CDH19: variants seen among roughly 807,000 people sequenced by gnomAD.
CDH19 encodes cadherin-19.
Under a neutral mutation model 64.2 loss-of-function variants are expected in CDH19, and 67 were observed. The ratio of observed to expected loss-of-function variants is 1.04; its 90% CI spans 0.86 to 1.28. The LOEUF is 1.28. Among genes scored for constraint, CDH19 ranks in the 50% most tolerant of loss-of-function variants. The probability of loss-of-function intolerance (pLI) is 0.00; values close to 1 mark genes in which losing one functional copy is unlikely to be tolerated. For missense variants in CDH19, 1,030 were observed against 929.0 expected (o/e 1.11, Z -1.41); for synonymous variants, 346 against 319.3 (o/e 1.08, Z -0.89).
At chr18:66,559,477 C>T (rs1267612405) in intron 3 of CDH19, among the ~76,000 whole-genome samples, 2 of 151,298 alleles carry the variant, frequency 1.3e-5, no homozygotes, top group Non-Finnish European at 3.0e-5. Context: ...GAGGCAATAC[C>T]ATGCAGTTAT....
At chr18:66,586,741 G>T (rs1169207902) in intron 1 of CDH19, among the ~76,000 whole-genome samples, 1 of 151,928 alleles carries the variant, frequency 6.6e-6, no homozygotes, top group African/African-American at 2.4e-5. Context: ...CTGTATTTTT[G>T]TGAATTTATT....
chr18:66,569,412 A>T (rs1423865958), intron 2 of CDH19, among the ~76,000 whole-genome samples: 3 of 151,622 alleles, frequency 2.0e-5, no homozygotes, highest in African/African-American at 7.2e-5. Flanking sequence ...CGAGGCTATC[A>T]AATCTTCTAT....
intron 5 of CDH19, among the ~76,000 whole-genome samples, chr18:66,550,127 T>G (rs1987286541): frequency 6.6e-6 from 1 of 152,280 alleles, no homozygotes; most frequent in South Asian, 2.1e-4. Flanking sequence ...TTAAATTTTC[T>G]TCCTAGCATG....
intron 1 of CDH19, among the ~76,000 whole-genome samples, chr18:66,578,364 A>G (rs1401370411): frequency 1.3e-5 from 2 of 151,972 alleles, no homozygotes; most frequent in Non-Finnish European, 2.9e-5. Context: ...AAAATAAGTT[A>G]AAAAATGATA....
intron 1 of CDH19, among the ~76,000 whole-genome samples, chr18:66,602,166 T>C (rs550332313): frequency 6.6e-6 from 1 of 151,990 alleles, no homozygotes. Flanking sequence ...GAAAGATCAA[T>C]ATCTCCTTTT....
At chr18:66,521,445 G>A (rs1985977992) in intron 9 of CDH19, among the ~76,000 whole-genome samples, 1 of 151,936 alleles carries the variant, frequency 6.6e-6, no homozygotes, top group South Asian at 2.1e-4. Flanking sequence ...TGCATATTGA[G>A]GACAGAATGA....
intron 1 of CDH19, among the ~76,000 whole-genome samples, chr18:66,585,964 G>T (rs1308652988): frequency 1.3e-5 from 2 of 151,972 alleles, no homozygotes; most frequent in African/African-American, 2.4e-5. Context: ...CGACTTAAGG[G>T]ATGAAAAATA....
chr18:66,538,682 TA>T (rs1484027073), intron 7 of CDH19, among the ~76,000 whole-genome samples: 4 of 152,140 alleles, frequency 2.6e-5, no homozygotes, highest in African/African-American at 9.7e-5. Flanking sequence ...AACGATAAAT[TA>T]ACTCTATTAG....
chr18:66,576,358 C>T (rs1334658678), intron 1 of CDH19, among the ~76,000 whole-genome samples: 1 of 151,280 alleles, frequency 6.6e-6, no homozygotes, highest in Non-Finnish European at 1.5e-5. Context: ...TCTTGCTCAA[C>T]TCTAGTCAAA....
At chr18:66,557,991 C>CTG (rs1292826406) in intron 3 of CDH19, among the ~76,000 whole-genome samples, 4 of 151,656 alleles carry the variant, frequency 2.6e-5, no homozygotes, top group Non-Finnish European at 5.9e-5. Flanking sequence ...ATATTCTTGT[C>CTG]TGAACTACTG....
chr18:66,509,510 G>A (rs905490594), intron 10 of CDH19, among the ~76,000 whole-genome samples: 1 of 151,582 alleles, frequency 6.6e-6, no homozygotes, highest in Non-Finnish European at 1.5e-5. Context: ...TAAATATTGA[G>A]TTGATACTAC....
intron 5 of CDH19, among the ~76,000 whole-genome samples, chr18:66,550,745 T>C (rs1987308837): frequency 6.6e-6 from 1 of 152,100 alleles, no homozygotes; most frequent in Non-Finnish European, 1.5e-5. Context: ...TAACTCTATA[T>C]ACATGTAAAC....
chr18:66,537,209 C>T (rs973366072), intron 7 of CDH19, among the ~76,000 whole-genome samples: 1 of 151,846 alleles, frequency 6.6e-6, no homozygotes, highest in Non-Finnish European at 1.5e-5. Flanking sequence ...AATGTAGAAT[C>T]CAATACGGCC....
At chr18:66,534,123 A>G (rs551167156) in intron 8 of CDH19, among the ~76,000 whole-genome samples, 116 of 152,172 alleles carry the variant, frequency 7.6e-4, no homozygotes, top group African/African-American at 2.7e-3. Context: ...TCTCAGAAAT[A>G]CACAATGAAT....
intron 2 of CDH19, 57 bp downstream of exon 2, chr18:66,571,953 A>G: frequency 7.6e-7 from 1 of 1,315,158 alleles, no homozygotes; most frequent in Admixed American, 2.1e-5. Context: ...AAACTTCTCC[A>G]ACATATTTAT....
Position 66,543,970 on chromosome 18 carries a change from C to A in CDH19, c.1214+1G>T. On this transcript the variant is annotated splice_donor_variant, in intron 7 of 11. Coordinates refer to ENST00000262150, the MANE Select transcript of CDH19 (RefSeq NM_021153.4). LOFTEE classifies it high-confidence loss of function. ...ATGCAAAACTGACCTTACAGACATA[C>A]CTGATAGGAGATTTCCTATTGTCTG... 6.2e-7 allele frequency: 1 copy of A among 1,605,500 alleles called. No homozygotes were observed. The highest frequency in any genetic ancestry group is 8.5e-7 in the Non-Finnish European group (1 of 1,173,768).
chr18:66,600,551 GACA>G (rs1305781204), intron 1 of CDH19, among the ~76,000 whole-genome samples: 4 of 151,814 alleles, frequency 2.6e-5, no homozygotes, highest in African/African-American at 9.7e-5. Flanking sequence ...TACACAAAAT[GACA>G]ACATCGCTTT....
At chr18:66,602,084 T>G (rs1446741315) in intron 1 of CDH19, among the ~76,000 whole-genome samples, 1 of 151,878 alleles carries the variant, frequency 6.6e-6, no homozygotes, top group Non-Finnish European at 1.5e-5. Flanking sequence ...ACAACAAATT[T>G]TTCTTATTCA....
At chr18:66,510,546 A>C (rs1235224520) in intron 10 of CDH19, among the ~76,000 whole-genome samples, 3 of 145,682 alleles carry the variant, frequency 2.1e-5, no homozygotes, top group Non-Finnish European at 4.5e-5. Flanking sequence ...TATAATAATA[A>C]AAAATAAATA....
Sources: allele counts gnomAD v4.1 joint callset (sites outside exome capture counted in the v4.1 genomes callset), GRCh38; gene constraint gnomAD v4.1.1; transcripts MANE v1.5; gene names NCBI Gene and HGNC (gene_info 2026-07-23, HGNC 2026-07-21).